Variants in PPDPF observed in about 807,000 individuals in gnomAD.
PPDPF encodes exocrine differentiation and proliferation factor.
A neutral mutation model predicts 6.3 loss-of-function variants in PPDPF; 11 were observed. The ratio of observed to expected loss-of-function variants is 1.76; its 90% CI spans 1.11 to 2.91. The LOEUF (loss-of-function observed/expected upper bound fraction) is 2.91, where lower values mean the gene tolerates loss of function less well. PPDPF is among the 30% of genes most tolerant of loss of function. The probability of loss-of-function intolerance (pLI) is 0.00; values close to 1 mark genes in which losing one functional copy is unlikely to be tolerated. For missense variants in PPDPF, 202 were observed against 159.4 expected, an observed-to-expected ratio of 1.27 and a Z score of -1.44; for synonymous variants, 86 against 64.5, an observed-to-expected ratio of 1.33 and a Z score of -1.60.
intron 1 of PPDPF, 24 bp from the exon 2 acceptor site, chr20:63,521,260 G>A (rs1389656088): frequency 6.4e-7 from 1 of 1,555,974 alleles, no homozygotes; most frequent in Non-Finnish European, 8.7e-7. Context: ...CTGACCCGAG[G>A]GGCTCCTCCA....
chr20:63,521,875 C>T lies in PPDPF; in HGVS notation c.341C>T (p.Ser114Phe), dbSNP rs1325681356. The T allele has an allele frequency of 1.3e-6, 2 of 1,584,160 alleles. No individual in the cohort carries two copies. The highest frequency in any genetic ancestry group is 8.6e-7 in the Non-Finnish European group (1 of 1,166,220). ...AGCACAGCCAGCGCTGGGCCCCCGT[C>T]CTGACCTGAGCGGTTACCACCAGCC... ...QSSTASAGPP[S>F] is the part of the protein sequence containing the mutation. Residue 114 changes from serine (S) to phenylalanine (F), a missense_variant, in exon 4 of 4, where the codon TCC (serine) becomes TTC (phenylalanine). Ser to Phe is a radical substitution (Grantham distance 155). Coordinates refer to ENST00000370179, the MANE Select transcript of PPDPF (RefSeq NM_024299.4).
At position 63,521,267 on chromosome 20, in the gene PPDPF, T is replaced by A. The variant is rs773437141; in HGVS notation, c.-25-17T>A. On this transcript the variant is annotated splice_polypyrimidine_tract_variant and intron_variant, in intron 1 of 3. Transcript: ENST00000370179. ...GAAGGCCGCTGACCCGAGGGGCTCCTCCACCCCCATGCGCAGATCCCACCA... is the reference window on the plus strand; with the variant it reads ...GAAGGCCGCTGACCCGAGGGGCTCCACCACCCCCATGCGCAGATCCCACCA... The A allele has an allele frequency of 3.8e-6, 6 of 1,576,396 alleles. No individual in the cohort carries two copies. The Admixed American group carries it at 8.8e-5, about 23-fold the overall frequency.
In PPDPF at chr20:63,521,687, G is replaced by A; in HGVS notation, c.153G>A (p.Pro51=). ...TCTCAGGTCTCCCCAAGGCTGACCC[G>A]GGTCATTGGTGGGCCAGCTTCTTTT... ...PHPPGLPKAD[P]GHWWASFFFG... The change falls in exon 4 of 4, where the codon CCG becomes CCA. Residue 51 remains proline, a synonymous_variant. Coordinates refer to ENST00000370179, the MANE Select transcript of PPDPF (RefSeq NM_024299.4). The A allele has an allele frequency of 5.0e-6, 8 of 1,613,406 alleles. No homozygotes were observed. The highest frequency in any genetic ancestry group is 6.8e-6 in the Non-Finnish European group (8 of 1,179,992).
rs573889701 is a variant in PPDPF, at chr20:63,520,883, G to A, written c.-37G>A. 2.5e-4 allele frequency: 248 copies of A among 994,360 alleles called. No individual in the cohort carries two copies. In the African/African-American group the frequency reaches 4.0e-3, roughly 16 times the overall value. The allele number at this position is 994,360 out of a possible 1,614,324, so 61.6% of individuals were successfully genotyped here. ...GATCGTGCGCCGAGGCCCGCGAGGG[G>A]TCGCCGCCCAGGTGAGGGGCGCCGC... On this transcript the variant is annotated 5_prime_UTR_variant, in exon 1 of 4. Coordinates refer to ENST00000370179, the MANE Select transcript of PPDPF (RefSeq NM_024299.4).
chr20:63,521,492 A>G lies in PPDPF; in HGVS notation c.56-20A>G. On this transcript the variant is annotated intron_variant, in intron 2 of 3. Transcript: ENST00000370179. ...GGGGGCTCCGCGCCCCGCGTTGCTG[A>G]CGGGACCTCTCCTCTCCAGGCCGCC... is the stretch of plus-strand genomic sequence containing the variant. The G allele has an allele frequency of 6.4e-7, 1 of 1,563,238 alleles. No homozygotes were observed. Among genetic ancestry groups the G allele is most frequent in the African/African-American group, 1.4e-5 (1 of 73,704 alleles).
Position 63,521,296 on chromosome 20 carries a change from A to G in PPDPF, c.-13A>G. 3.1e-6 allele frequency: 5 copies of G among 1,608,544 alleles called. No individual in the cohort carries two copies. The highest frequency in any genetic ancestry group is 4.2e-6 in the Non-Finnish European group (5 of 1,178,062). On this transcript the variant is annotated 5_prime_UTR_variant, in exon 2 of 4. Transcript: ENST00000370179. ...CCCCCATGCGCAGATCCCACCAGCCAGCAAGCTAAAGCATGGCGGCCATCC... is the reference window on the plus strand; with the variant it reads ...CCCCCATGCGCAGATCCCACCAGCCGGCAAGCTAAAGCATGGCGGCCATCC...
Position 63,521,755 on chromosome 20 carries a change from C to T in PPDPF, c.221C>T (p.Ser74Phe). Residue 74 changes from serine to phenylalanine, a missense_variant, in exon 4 of 4, where the codon TCC becomes TTC. Coordinates refer to ENST00000370179, the MANE Select transcript of PPDPF (RefSeq NM_024299.4). ...CCGTTCATGGCCACGGTGTTGGAGT[C>T]CGCAGAGCACTCGGAACCTCCCCAG... ...TLPFMATVLE[S>F]AEHSEPPQAS... 2 of 1,613,122 alleles carry T rather than the reference C, an allele frequency of 1.2e-6. No homozygotes were observed. The highest frequency in any genetic ancestry group is 2.7e-5 in the African/African-American group (2 of 75,044).
chr20:63,521,957 C>G lies in PPDPF; in HGVS notation c.*78C>G. ...CCCCTCCCCGCCCCTCTCCCCACTC[C>G]GCATCCCTCGCCCCCCTCCCCACCT... is the stretch of plus-strand genomic sequence containing the variant. On this transcript the variant is annotated 3_prime_UTR_variant, in exon 4 of 4. Coordinates refer to ENST00000370179, the MANE Select transcript of PPDPF (RefSeq NM_024299.4). 1 of 1,111,272 alleles carries G rather than the reference C, an allele frequency of 9.0e-7. No individual in the cohort carries two copies. Among genetic ancestry groups the G allele is most frequent in the Non-Finnish European group, 1.3e-6 (1 of 790,016 alleles). The allele number at this position is 1,111,272 out of a possible 1,614,324, so 68.8% of individuals were successfully genotyped here.
chr20:63,520,955 G>A, intron 1 of PPDPF, 61 bp downstream of exon 1: 1 of 1,016,764 alleles, frequency 9.8e-7, no homozygotes, highest in Non-Finnish European at 1.2e-6. Context: ...CGAGGGGCGG[G>A]GCTGGGCCGG....
At position 63,521,685 on chromosome 20, in the gene PPDPF, C is replaced by G. The variant is rs773266258; in HGVS notation, c.151C>G (p.Pro51Ala). 1 of 1,613,494 alleles carries G rather than the reference C, an allele frequency of 6.2e-7. No individual in the cohort carries two copies. Among genetic ancestry groups the G allele is most frequent in the Admixed American group, 1.7e-5 (1 of 60,012 alleles). Reference protein sequence around the residue: ...PHPPGLPKADPGHWWASFFFG... With the variant: ...PHPPGLPKADAGHWWASFFFG... ...TCTCTCAGGTCTCCCCAAGGCTGAC[C>G]CGGGTCATTGGTGGGCCAGCTTCTT... is the stretch of plus-strand genomic sequence containing the variant. Residue 51 changes from proline to alanine, a missense_variant, in exon 4 of 4, where the codon CCG becomes GCG. Transcript: ENST00000370179.
rs1569004899 is a variant in PPDPF, at chr20:63,520,839, C to T, written c.-81C>T. The T allele has an allele frequency of 2.0e-6, 2 of 986,940 alleles. No individual in the cohort carries two copies. Among genetic ancestry groups the T allele is most frequent in the Admixed American group, 6.1e-5 (1 of 16,264 alleles). 61.1% of individuals were successfully genotyped at this position (986,940 alleles called of 1,614,324 possible). On this transcript the variant is annotated 5_prime_UTR_variant, in exon 1 of 4. Coordinates refer to ENST00000370179, the MANE Select transcript of PPDPF (RefSeq NM_024299.4). Reference sequence around the variant, plus strand: ...GCAAATGGGCTCCGTGGCCTAGCGCCCCCGTCCCCGCCACCCGTGATCGTG... The same window carrying T: ...GCAAATGGGCTCCGTGGCCTAGCGCTCCCGTCCCCGCCACCCGTGATCGTG...
Position 63,521,824 on chromosome 20 carries a change from C to T in PPDPF, c.290C>T (p.Pro97Leu), listed in dbSNP as rs761076255. The T allele has an allele frequency of 1.9e-6, 3 of 1,610,680 alleles. No individual in the cohort carries two copies. The highest frequency in any genetic ancestry group is 2.5e-6 in the Non-Finnish European group (3 of 1,179,378). Reference sequence around the variant, plus strand: ...GCCTGTGGCCTGGCTCGGGACGCCCCGAGGAAGCAGCCCGGCGGTCAGTCC... The same window carrying T: ...GCCTGTGGCCTGGCTCGGGACGCCCTGAGGAAGCAGCCCGGCGGTCAGTCC... ...MTACGLARDA[P>L]RKQPGGQSST... Residue 97 changes from proline to leucine, a missense_variant, in exon 4 of 4, where the codon CCG (proline) becomes CTG (leucine). Pro to Leu is a moderately conservative substitution (Grantham distance 98). Transcript: ENST00000370179.
Position 63,520,789 on chromosome 20 carries a change from G to C in PPDPF, c.-131G>C. ...CACCCCGCGCGCGCCTCTCTGTCGT[G>C]GCGCGGCTTCCCGCGGTCTTCTCTG... On this transcript the variant is annotated 5_prime_UTR_variant, in exon 1 of 4. Coordinates refer to ENST00000370179, the MANE Select transcript of PPDPF (RefSeq NM_024299.4). The C allele has an allele frequency of 1.0e-6, 1 of 984,962 alleles. No homozygotes were observed. The highest frequency in any genetic ancestry group is 1.2e-6 in the Non-Finnish European group (1 of 829,848). 61.0% of individuals were successfully genotyped at this position (984,962 alleles called of 1,614,324 possible).
At position 63,521,555 on chromosome 20, in the gene PPDPF, C is replaced by G; in HGVS notation, c.99C>G (p.Thr33=). Residue 33 remains threonine (T), a synonymous_variant, in exon 3 of 4, where the codon ACC becomes ACG. Coordinates refer to ENST00000370179, the MANE Select transcript of PPDPF (RefSeq NM_024299.4). Reference sequence around the variant, plus strand: ...CCAGCAACAGCTCCTGCAGCAGTACCGAGTGCCCCGGGGAAGCCATTCCCC... The same window carrying G: ...CCAGCAACAGCTCCTGCAGCAGTACGGAGTGCCCCGGGGAAGCCATTCCCC... The part of the protein sequence containing the change: ...STSSNSSCSS[T]ECPGEAIPHP... The G allele has an allele frequency of 1.2e-6, 2 of 1,604,554 alleles. No individual in the cohort carries two copies. The highest frequency in any genetic ancestry group is 1.7e-5 in the Admixed American group (1 of 59,372).
intron 1 of PPDPF, 61 bp downstream of exon 1, chr20:63,520,955 G>C: frequency 9.8e-7 from 1 of 1,016,764 alleles, no homozygotes; most frequent in East Asian, 7.7e-5. Flanking sequence ...CGAGGGGCGG[G>C]GCTGGGCCGG....
rs1415130781 is a variant in PPDPF, at chr20:63,521,517, C to A, written c.61C>A (p.Leu21Met). ...ACGGGACCTCTCCTCTCCAGGCCGC[C>A]TGGGTTCCACTTCCAGCAACAGCTC... ...VATHDYYRRR[L>M]GSTSSNSSCS... Residue 21 changes from leucine (L) to methionine (M), a missense_variant, in exon 3 of 4, where the codon CTG becomes ATG. Coordinates refer to ENST00000370179, the MANE Select transcript of PPDPF (RefSeq NM_024299.4). 6.3e-7 allele frequency: 1 copy of A among 1,578,108 alleles called. No homozygotes were observed. Among genetic ancestry groups the A allele is most frequent in the Admixed American group, 1.8e-5 (1 of 56,978 alleles).
chr20:63,521,021 C>T (rs1048763489), intron 1 of PPDPF, 127 bp downstream of exon 1: 5 of 706,372 alleles, frequency 7.1e-6, no homozygotes, highest in African/African-American at 1.9e-5. Flanking sequence ...CGGCGGGCTC[C>T]TCTCGGGTCG....
At position 63,521,510 on chromosome 20, in the gene PPDPF, A is replaced by AG. The variant is rs1205061818; in HGVS notation, c.56dup. On this transcript the variant is annotated splice_acceptor_variant, in intron 2 of 3. Transcript: ENST00000370179. LOFTEE classifies it high-confidence loss of function. ...GTTGCTGACGGGACCTCTCCTCTCC[A>AG]GGCCGCCTGGGTTCCACTTCCAGCA... 1.9e-6 allele frequency: 3 copies of AG among 1,574,756 alleles called. No individual in the cohort carries two copies. Among genetic ancestry groups the AG allele is most frequent in the Non-Finnish European group, 2.6e-6 (3 of 1,159,270 alleles).
intron 1 of PPDPF, 75 bp from the exon 2 acceptor site, chr20:63,521,209 G>A (rs1349998240): frequency 1.5e-6 from 2 of 1,339,930 alleles, no homozygotes; most frequent in South Asian, 1.4e-5. Flanking sequence ...CCAGCGCGGC[G>A]GCTCCACCCG....
Sources: gnomAD v4.1 joint callset for allele counts on GRCh38, gnomAD v4.1.1 for gene constraint, MANE v1.5 for transcripts, NCBI Gene and HGNC (gene_info 2026-07-23, HGNC 2026-07-21) for gene names.